The following CTNNA2 variants were observed in gnomAD, a reference collection of about 807,000 sequenced individuals.
The protein encoded by CTNNA2 is catenin alpha-2.
A neutral mutation model predicts 101.0 loss-of-function variants in CTNNA2; 42 were observed. That is an observed-to-expected ratio of 0.42 (90% CI 0.32 to 0.54). CTNNA2 has a LOEUF of 0.54. Among genes scored for constraint, CTNNA2 ranks in the 20% least tolerant of loss-of-function variants. CTNNA2 has a pLI of 0.14. For synonymous variants in CTNNA2, 450 were observed against 456.4 expected (o/e 0.99, Z 0.18); for missense variants, 871 against 1,223.1 (o/e 0.71, Z 4.29).
At chr2:80,634,577 G>C (rs958680838) in intron 18 of CTNNA2, among the ~76,000 whole-genome samples, 2 of 151,726 alleles carry the variant, frequency 1.3e-5, no homozygotes, top group African/African-American at 4.9e-5. Flanking sequence ...GCCACTCAAG[G>C]TTGTTGATAA....
intron 7 of CTNNA2, among the ~76,000 whole-genome samples, chr2:80,194,629 TA>T (rs1038826564): frequency 6.6e-6 from 1 of 151,496 alleles, no homozygotes; most frequent in Non-Finnish European, 1.5e-5. Context: ...CTCTAGGTAG[TA>T]AAAAAAGATT....
chr2:79,250,926 C>T (rs543256053), intron 2 of CTNNA2, among the ~76,000 whole-genome samples: 27 of 152,014 alleles, frequency 1.8e-4, no homozygotes, highest in Admixed American at 1.5e-3. Context: ...TCTGGGTTTA[C>T]GAAAATAAAA....
intron 9 of CTNNA2, among the ~76,000 whole-genome samples, chr2:80,492,636 TC>T (rs945867912): frequency 1.6e-4 from 24 of 152,172 alleles, no homozygotes; most frequent in African/African-American, 5.6e-4. Flanking sequence ...CTTTTCTTTG[TC>T]CTCCCTTAGT....
At chr2:79,321,019 A>G (rs1215301341) in intron 3 of CTNNA2, among the ~76,000 whole-genome samples, 1 of 152,240 alleles carries the variant, frequency 6.6e-6, no homozygotes, top group Non-Finnish European at 1.5e-5. Flanking sequence ...TCTCAAGGTC[A>G]TAATTGTAGA....
In CTNNA2 at chr2:79,413,086, T is replaced by G. The variant is rs149057622; in HGVS notation, c.-135+39073T>G. Among the ~76,000 whole-genome samples the G allele has an allele frequency of 2.7e-4, 41 of 152,164 alleles. No individual in the cohort carries two copies. In the East Asian group the frequency reaches 7.8e-3, roughly 29 times the overall value. ...GGTCAAAGTTTTGTTCCTCAATCCTTCCATCCCCCAACCTCTGGTAACCAC... is the reference window on the plus strand; with the variant it reads ...GGTCAAAGTTTTGTTCCTCAATCCTGCCATCCCCCAACCTCTGGTAACCAC... On this transcript the variant is annotated intron_variant, in intron 4 of 21. Coordinates refer to the CTNNA2 transcript ENST00000466387.
intron 7 of CTNNA2, among the ~76,000 whole-genome samples, chr2:80,271,114 A>G (rs1049101143): frequency 2.6e-5 from 4 of 152,216 alleles, no homozygotes; most frequent in African/African-American, 9.6e-5. Context: ...TAGTGAAATG[A>G]CAGAAAGTTT....
chr2:79,422,959 T>A (rs915302405), intron 4 of CTNNA2, among the ~76,000 whole-genome samples: 6 of 152,164 alleles, frequency 3.9e-5, no homozygotes, highest in African/African-American at 1.4e-4. Context: ...TCTCATAGAC[T>A]TCCAAGGTTA....
intron 3 of CTNNA2, among the ~76,000 whole-genome samples, chr2:79,764,846 C>T (rs1346418787): frequency 6.6e-6 from 1 of 152,192 alleles, no homozygotes; most frequent in Non-Finnish European, 1.5e-5. Context: ...ACCACTCTGT[C>T]TGTCTTAGGT....
chr2:79,735,660 A>G (rs1558883140), intron 2 of CTNNA2, among the ~76,000 whole-genome samples: 1 of 152,216 alleles, frequency 6.6e-6, no homozygotes, highest in African/African-American at 2.4e-5. Flanking sequence ...ACAATAATTA[A>G]TAAGTATAAT....
chr2:80,549,325 T>C (rs986166371), intron 11 of CTNNA2, among the ~76,000 whole-genome samples: 12 of 152,168 alleles, frequency 7.9e-5, no homozygotes, highest in African/African-American at 2.9e-4. Context: ...GTTTTGCTTT[T>C]TAACTTTTCC....
At chr2:79,914,869 T>C (rs1280135878) in intron 7 of CTNNA2, among the ~76,000 whole-genome samples, 6 of 152,108 alleles carry the variant, frequency 3.9e-5, no homozygotes, top group African/African-American at 7.2e-5. Context: ...TAAAAGCACA[T>C]GAAGACATAT....
intron 8 of CTNNA2, among the ~76,000 whole-genome samples, chr2:80,404,752 T>G (rs1428833788): frequency 6.6e-6 from 1 of 152,184 alleles, no homozygotes; most frequent in African/African-American, 2.4e-5. Flanking sequence ...TGCCTTTTGT[T>G]TACCTCAGCT....
intron 3 of CTNNA2, among the ~76,000 whole-genome samples, chr2:79,770,938 T>C (rs1673526017): frequency 6.6e-6 from 1 of 152,260 alleles, no homozygotes; most frequent in South Asian, 2.1e-4. Context: ...TTGCAGAAAG[T>C]TTAAAAGAAT....
chr2:80,290,686 G>T (rs1675162871), intron 7 of CTNNA2, among the ~76,000 whole-genome samples: 1 of 151,762 alleles, frequency 6.6e-6, no homozygotes, highest in African/African-American at 2.4e-5. Flanking sequence ...TATATCTGTG[G>T]TTTACCCCAA....
At chr2:79,878,688 T>C (rs1020287737) in intron 6 of CTNNA2, among the ~76,000 whole-genome samples, 1 of 152,086 alleles carries the variant, frequency 6.6e-6, no homozygotes, top group East Asian at 1.9e-4. Flanking sequence ...TTGTTTGTTT[T>C]TGTAAATTTA....
intron 2 of CTNNA2, among the ~76,000 whole-genome samples, chr2:79,287,870 T>A (rs933535097): frequency 2.6e-5 from 4 of 152,208 alleles, no homozygotes; most frequent in Non-Finnish European, 5.9e-5. Context: ...TGCAGTTTGA[T>A]CTCAGACTGC....
rs1302647015 is a variant in CTNNA2 at position 79,240,920 on chromosome 2, G to A, written c.-406+42844G>A. Among the ~76,000 whole-genome samples, 3 of 152,140 alleles carry A rather than the reference G, an allele frequency of 2.0e-5. No homozygotes were observed. The South Asian group carries it at 6.2e-4, about 32-fold the overall frequency. On this transcript the variant is annotated intron_variant, in intron 2 of 21. Transcript: ENST00000466387. ...CCTGGTCATCTTCTTTGGGGACCCT[G>A]CCTCTGCTGTCCACCTCCTTCCAGT...
chr2:80,215,995 G>C (rs535741481), intron 7 of CTNNA2, among the ~76,000 whole-genome samples: 32 of 152,276 alleles, frequency 2.1e-4, no homozygotes, highest in Non-Finnish European at 4.4e-4. Context: ...CTGCCATCTT[G>C]CAGTTCTATC....
chr2:80,586,187 T>C (rs1695957082), intron 14 of CTNNA2: 1 of 152,174 alleles, frequency 6.6e-6, no homozygotes, highest in Non-Finnish European at 1.5e-5. Context: ...ATAAAGAAGT[T>C]AGCAGTAGGG....
Sources: allele counts gnomAD v4.1 joint callset (sites outside exome capture counted in the v4.1 genomes callset), GRCh38; gene constraint gnomAD v4.1.1; transcripts MANE v1.5; gene names NCBI Gene and HGNC (gene_info 2026-07-23, HGNC 2026-07-21).